Variants in MECOM observed in about 807,000 individuals in gnomAD.
MECOM encodes histone-lysine N-methyltransferase MECOM.
In MECOM, 13 loss-of-function variants were observed where a neutral mutation model predicts 116.3. The observed-to-expected ratio is 0.11, with a 90% confidence interval of 0.07 to 0.18. MECOM has a LOEUF of 0.18. MECOM is among the 10% of genes least tolerant of loss of function. The probability of loss-of-function intolerance (pLI) is 1.00; values close to 1 mark genes in which losing one functional copy is unlikely to be tolerated. For synonymous variants in MECOM, 528 were observed against 535.2 expected, an observed-to-expected ratio of 0.99 and a Z score of 0.19; for missense variants, 1,299 against 1,509.0, an observed-to-expected ratio of 0.86 and a Z score of 2.31.
intron 2 of MECOM, among the ~76,000 whole-genome samples, chr3:169,168,409 T>C (rs964863310): frequency 2.6e-5 from 4 of 151,768 alleles, no homozygotes; most frequent in African/African-American, 4.8e-5. Context: ...TATGGTATTA[T>C]GTTATCTTCA....
At chr3:169,591,895 T>C (rs981168004) in intron 1 of MECOM, among the ~76,000 whole-genome samples, 2 of 150,032 alleles carry the variant, frequency 1.3e-5, no homozygotes, top group Non-Finnish European at 3.0e-5. Flanking sequence ...AACAGTACAG[T>C]ATAGAGAATA....
chr3:169,584,426 G>A (rs566116012), intron 1 of MECOM, among the ~76,000 whole-genome samples: 50 of 151,712 alleles, frequency 3.3e-4, no homozygotes, highest in East Asian at 2.5e-3. Flanking sequence ...TTAGCCGGGC[G>A]TGGTGGCGAG....
At chr3:169,457,540 G>A (rs951696479) in intron 1 of MECOM, among the ~76,000 whole-genome samples, 9 of 152,122 alleles carry the variant, frequency 5.9e-5, no homozygotes, top group African/African-American at 9.7e-5. Flanking sequence ...TTTTATGTGT[G>A]CTAAGAAACA....
At chr3:169,607,168 T>A (rs1360205725) in intron 1 of MECOM, among the ~76,000 whole-genome samples, 1 of 152,260 alleles carries the variant, frequency 6.6e-6, no homozygotes, top group African/African-American at 2.4e-5. Flanking sequence ...AAGCTGTTAA[T>A]AATTCTCCCA....
chr3:169,591,290 A>G (rs1766373208), intron 1 of MECOM, among the ~76,000 whole-genome samples: 2 of 152,260 alleles, frequency 1.3e-5, no homozygotes, highest in South Asian at 4.1e-4. Flanking sequence ...AAAGTAGTAA[A>G]CTTTATATTA....
At chr3:169,609,055 C>A (rs1768935061) in intron 1 of MECOM, among the ~76,000 whole-genome samples, 1 of 152,194 alleles carries the variant, frequency 6.6e-6, no homozygotes, top group Non-Finnish European at 1.5e-5. Flanking sequence ...TATTAACTTT[C>A]TGCTGACCTT....
At chr3:169,579,303 AT>A (rs1215253785) in intron 1 of MECOM, among the ~76,000 whole-genome samples, 1 of 152,160 alleles carries the variant, frequency 6.6e-6, no homozygotes, top group Non-Finnish European at 1.5e-5. Flanking sequence ...GTAGCGTTGA[AT>A]TTAGGTTTTG....
chr3:169,660,544 GA>G (rs1311338073), intron 1 of MECOM, among the ~76,000 whole-genome samples: 2 of 151,706 alleles, frequency 1.3e-5, no homozygotes, highest in Admixed American at 1.3e-4. Context: ...ATTTACAAAA[GA>G]CAAAAAGAAC....
chr3:169,324,598 A>T (rs960891291), intron 2 of MECOM, among the ~76,000 whole-genome samples: 1 of 152,252 alleles, frequency 6.6e-6, no homozygotes, highest in Non-Finnish European at 1.5e-5. Flanking sequence ...GCAACGTGCC[A>T]AAGTCCCAGC....
At chr3:169,388,367 C>A (rs541153093) in intron 1 of MECOM, among the ~76,000 whole-genome samples, 1 of 152,136 alleles carries the variant, frequency 6.6e-6, no homozygotes, top group Non-Finnish European at 1.5e-5. Flanking sequence ...TGAATAAACA[C>A]GTGCTGGGCT....
rs1037145194 is a variant in MECOM, at chr3:169,332,842, T to C, written c.375+48345A>G. 2.0e-5 allele frequency among the ~76,000 whole-genome samples: 3 copies of C among 152,144 alleles called. No individual in the cohort carries two copies. In the East Asian group the frequency reaches 5.8e-4, roughly 29 times the overall value. Reference sequence around the variant, plus strand: ...TAAATAATTCAGATTCAGTACTTAGTGGTAAGTTAATTTCACTGGCAAAAC... The same window carrying C: ...TAAATAATTCAGATTCAGTACTTAGCGGTAAGTTAATTTCACTGGCAAAAC... On this transcript the variant is annotated intron_variant, in intron 2 of 16. Coordinates refer to ENST00000651503, the MANE Select transcript of MECOM (RefSeq NM_004991.4).
At chr3:169,400,314 G>C (rs1184734672) in intron 1 of MECOM, among the ~76,000 whole-genome samples, 1 of 152,138 alleles carries the variant, frequency 6.6e-6, no homozygotes, top group African/African-American at 2.4e-5. Flanking sequence ...ACACTTTCAT[G>C]GATGGATATA....
At chr3:169,500,858 C>T (rs1305694182) in intron 1 of MECOM, among the ~76,000 whole-genome samples, 1 of 151,856 alleles carries the variant, frequency 6.6e-6, no homozygotes, top group Non-Finnish European at 1.5e-5. Context: ...ATTATATAAA[C>T]TTAATCTCTT....
At chr3:169,297,673 A>G (rs1715885497) in intron 2 of MECOM, among the ~76,000 whole-genome samples, 1 of 152,142 alleles carries the variant, frequency 6.6e-6, no homozygotes, top group African/African-American at 2.4e-5. Flanking sequence ...TTTCTATCTC[A>G]ATGTAAACGT....
intron 1 of MECOM, among the ~76,000 whole-genome samples, chr3:169,522,971 G>T (rs758533045): frequency 6.6e-6 from 1 of 152,164 alleles, no homozygotes; most frequent in South Asian, 2.1e-4. Flanking sequence ...AGCTGTGTTT[G>T]CAAGACTTCC....
intron 16 of MECOM, chr3:169,086,491 CT>C: frequency 1.5e-6 from 1 of 674,290 alleles, no homozygotes; most frequent in Non-Finnish European, 2.7e-6. Flanking sequence ...TTAATCCTGC[CT>C]TTAAACCTGC....
intron 1 of MECOM, among the ~76,000 whole-genome samples, chr3:169,605,885 G>A (rs1310906021): frequency 6.6e-6 from 1 of 152,112 alleles, no homozygotes; most frequent in African/African-American, 2.4e-5. Flanking sequence ...ATGCTGTGAG[G>A]TAAAGTGAAG....
intron 1 of MECOM, among the ~76,000 whole-genome samples, chr3:169,486,301 G>A (rs1037943146): frequency 2.6e-5 from 4 of 151,770 alleles, no homozygotes; most frequent in Admixed American, 6.6e-5. Flanking sequence ...TAATGAAGCA[G>A]CACATGTAAT....
chr3:169,224,456 G>A (rs1752493955), intron 2 of MECOM, among the ~76,000 whole-genome samples: 2 of 152,108 alleles, frequency 1.3e-5, no homozygotes, highest in African/African-American at 4.8e-5. Context: ...GCTTCCTAGG[G>A]TTCTCAAAAC....
Sources: gnomAD v4.1 joint callset for allele counts (sites outside exome capture counted in the v4.1 genomes callset) on GRCh38, gnomAD v4.1.1 for gene constraint, MANE v1.5 for transcripts, NCBI Gene and HGNC (gene_info 2026-07-23, HGNC 2026-07-21) for gene names.